Variants in NSUN3 observed in about 807,000 individuals in gnomAD.
NSUN3 encodes tRNA (cytosine(34)-C(5))-methyltransferase, mitochondrial.
A neutral mutation model predicts 36.8 loss-of-function variants in NSUN3; 24 were observed. That is an observed-to-expected ratio of 0.65 (90% CI 0.47 to 0.92). The LOEUF (loss-of-function observed/expected upper bound fraction) is 0.92, where lower values mean the gene tolerates loss of function less well. NSUN3 is among the 40% of genes least tolerant of loss of function. NSUN3 has a pLI of 0.00. For synonymous variants in NSUN3, 146 were observed against 145.2 expected (o/e 1.01, Z -0.04); for missense variants, 381 against 392.8 (o/e 0.97, Z 0.25).
At chr3:94,121,715 C>G (rs999689644) in intron 5 of NSUN3, among the ~76,000 whole-genome samples, 2 of 152,266 alleles carry the variant, frequency 1.3e-5, no homozygotes, top group African/African-American at 4.8e-5. Context: ...TAGGAACCCC[C>G]AAAATATCTC....
chr3:94,124,148 C>CTTTTTTTTTTTTTTTTTT (rs58987431), intron 5 of NSUN3, among the ~76,000 whole-genome samples: 101 of 88,152 alleles, frequency 1.1e-3, no homozygotes, highest in East Asian at 1.5e-3. Flanking sequence ...TATTTTATTT[C>CTTTTTTTTTTTTTTTTTT]TTTTTTTTTT....
At chr3:94,105,752 C>T (rs1446721087) in intron 5 of NSUN3, among the ~76,000 whole-genome samples, 1 of 152,076 alleles carries the variant, frequency 6.6e-6, no homozygotes, top group South Asian at 2.1e-4. Context: ...CACACATACA[C>T]ACACACACAC....
At chr3:94,117,927 C>T (rs1466716607) in intron 5 of NSUN3, among the ~76,000 whole-genome samples, 4 of 152,044 alleles carry the variant, frequency 2.6e-5, no homozygotes, top group Non-Finnish European at 2.9e-5. Flanking sequence ...TATATTATGT[C>T]GCAATTCTGC....
intron 5 of NSUN3, among the ~76,000 whole-genome samples, chr3:94,121,871 G>A (rs141567153): frequency 0.049 from 7,518 of 152,216 alleles, 254 homozygotes; most frequent in Non-Finnish European, 0.072. Flanking sequence ...CTGGCCAGGC[G>A]TGGTGGCTCA....
In NSUN3 at chr3:94,126,582, T is replaced by C; in HGVS notation, c.*92T>C. On this transcript the variant is annotated 3_prime_UTR_variant, in exon 6 of 6. Transcript: ENST00000314622. ...TTTAAATAATTATGCAGTAACTTTC[T>C]CTGGGTCTGTTTGGAATCCTATTTA... 8.5e-7 allele frequency: 1 copy of C among 1,173,158 alleles called. No homozygotes were observed. The allele number at this position is 1,173,158 out of a possible 1,614,324, so 72.7% of individuals were successfully genotyped here. A position where few individuals can be genotyped will look rare whatever the true frequency, so the allele number is the denominator to read the frequency against.
At chr3:94,094,861 G>A (rs547392410) in intron 4 of NSUN3, among the ~76,000 whole-genome samples, 172 bp from the exon 5 acceptor site, 37 of 152,278 alleles carry the variant, frequency 2.4e-4, no homozygotes, top group African/African-American at 8.7e-4. Flanking sequence ...AAAAGTGTTA[G>A]TGAGGAAATG....
At chr3:94,113,554 G>A (rs925072406) in intron 5 of NSUN3, among the ~76,000 whole-genome samples, 1 of 152,040 alleles carries the variant, frequency 6.6e-6, no homozygotes, top group Admixed American at 6.6e-5. Flanking sequence ...GGCTAAAGGG[G>A]GACTTCAGAG....
rs2107278234 is a variant in NSUN3, at chr3:94,128,385, T to A, written c.*1895T>A. 1 of 152,126 alleles carries A rather than the reference T, an allele frequency of 6.6e-6. No individual in the cohort carries two copies. Among genetic ancestry groups the A allele is most frequent in the East Asian group, 1.9e-4 (1 of 5,182 alleles). 9.4% of individuals were successfully genotyped at this position (152,126 alleles called of 1,614,324 possible). On this transcript the variant is annotated 3_prime_UTR_variant, in exon 6 of 6. Coordinates refer to ENST00000314622, the MANE Select transcript of NSUN3 (RefSeq NM_022072.5). ...GTTTGTTTTTTTTATCTTCAGACAC[T>A]ATAGGTTTTAAAAATAGGTTTCTTT...
intron 2 of NSUN3, chr3:94,076,102 G>T (rs771304949): frequency 2.0e-6 from 3 of 1,468,106 alleles, no homozygotes; most frequent in Non-Finnish European, 2.9e-6. Context: ...CTGGTGACCC[G>T]TCTTCTGCAT....
At chr3:94,090,018 A>G (rs565697627) in intron 3 of NSUN3, among the ~76,000 whole-genome samples, 16 of 152,298 alleles carry the variant, frequency 1.1e-4, no homozygotes, top group African/African-American at 3.6e-4. Context: ...ATTATAGCTT[A>G]TGGCTCCAAA....
intron 5 of NSUN3, among the ~76,000 whole-genome samples, chr3:94,107,308 T>C (rs2077393861): frequency 6.6e-6 from 1 of 151,794 alleles, no homozygotes; most frequent in Non-Finnish European, 1.5e-5. Flanking sequence ...TTGTTGTTGT[T>C]GTTTGTTTTG....
chr3:94,112,088 TTG>T (rs1429830665), intron 5 of NSUN3, among the ~76,000 whole-genome samples: 1 of 152,206 alleles, frequency 6.6e-6, no homozygotes, highest in African/African-American at 2.4e-5. Flanking sequence ...GAATTCCATC[TTG>T]TTCCAGGGAG....
At chr3:94,123,863 A>T (rs1308865233) in intron 5 of NSUN3, among the ~76,000 whole-genome samples, 1 of 152,110 alleles carries the variant, frequency 6.6e-6, no homozygotes, top group Non-Finnish European at 1.5e-5. Flanking sequence ...GTCCCATTTA[A>T]AATTATAATC....
chr3:94,107,910 T>C (rs920321609), intron 5 of NSUN3, among the ~76,000 whole-genome samples: 1 of 151,890 alleles, frequency 6.6e-6, no homozygotes, highest in African/African-American at 2.4e-5. Flanking sequence ...TACGACCCAG[T>C]TGGCAGGAAG....
At chr3:94,114,280 C>T (rs565377691) in intron 5 of NSUN3, among the ~76,000 whole-genome samples, 19 of 152,210 alleles carry the variant, frequency 1.2e-4, no homozygotes, top group Non-Finnish European at 1.3e-4. Flanking sequence ...GTCCTCTTTC[C>T]GGTACTAGAT....
At chr3:94,070,765 A>G (rs2077222176) in intron 2 of NSUN3, among the ~76,000 whole-genome samples, 1 of 152,208 alleles carries the variant, frequency 6.6e-6, no homozygotes, top group Non-Finnish European at 1.5e-5. Flanking sequence ...CAAAACCTCC[A>G]TATGCCAGAA....
chr3:94,071,287 C>A (rs1163574225), intron 2 of NSUN3, among the ~76,000 whole-genome samples: 1 of 152,078 alleles, frequency 6.6e-6, no homozygotes, highest in Non-Finnish European at 1.5e-5. Context: ...AAATTTAGTA[C>A]ATACACATGT....
In NSUN3 at chr3:94,084,326, T is replaced by C. The variant is rs2077283467; in HGVS notation, c.342T>C (p.Tyr114=). ...AAATTGGAAACCTGAAAAAATATTA[T>C]CTCCTAAATGCTGCTTCTCTTCTCC... ...RHQIGNLKKY[Y]LLNAASLLPV... Residue 114 remains tyrosine, a synonymous_variant, in exon 3 of 6, where the codon TAT becomes TAC. Transcript: ENST00000314622. 1.9e-6 allele frequency: 3 copies of C among 1,614,054 alleles called. No individual in the cohort carries two copies. Among genetic ancestry groups the C allele is most frequent in the Non-Finnish European group, 2.5e-6 (3 of 1,179,984 alleles).
intron 5 of NSUN3, among the ~76,000 whole-genome samples, chr3:94,106,910 G>A (rs1294292568): frequency 1.3e-5 from 2 of 151,900 alleles, no homozygotes; most frequent in Non-Finnish European, 2.9e-5. Flanking sequence ...CTTCAGGGAA[G>A]AAAAGAAATG....
Sources: allele counts gnomAD v4.1 joint callset (sites outside exome capture counted in the v4.1 genomes callset), GRCh38; gene constraint gnomAD v4.1.1; transcripts MANE v1.5; gene names NCBI Gene and HGNC (gene_info 2026-07-23, HGNC 2026-07-21).